Variants in MZT2B observed in about 807,000 individuals in gnomAD.
The protein encoded by MZT2B is mitotic-spindle organizing protein 2B.
MZT2B carries 11 observed loss-of-function variants against 12.1 expected under a neutral mutation model. That is an observed-to-expected ratio of 0.91 (90% confidence interval 0.57 to 1.50). The LOEUF is 1.50. MZT2B is among the 40% of genes most tolerant of loss of function. MZT2B has a pLI of 0.00. For missense variants in MZT2B, 209 were observed against 227.7 expected (o/e 0.92, Z 0.53); for synonymous variants, 85 against 109.5 (o/e 0.78, Z 1.40).
intron 2 of MZT2B, chr2:130,184,432 GGCCACACTCCA>G: frequency 2.0e-6 from 2 of 985,450 alleles, no homozygotes; most frequent in South Asian, 4.7e-5. Flanking sequence ...CTGGCCCCGT[GGCCACACTCCA>G]GCACTCAGCC....
At chr2:130,204,317 A>C in the MZT2B span, 1 of 386,248 alleles carries the variant, frequency 2.6e-6, no homozygotes, top group South Asian at 2.1e-5. Context: ...GTGTGGGACA[A>C]GGAGGAGGAG....
downstream of MZT2B, chr2:130,192,224 A>T (rs1690281915): frequency 1.3e-6 from 2 of 1,496,068 alleles, no homozygotes; most frequent in Admixed American, 4.6e-5. Context: ...TGTAGGTGAC[A>T]CGGAGAATGC....
At chr2:130,201,617 C>T in the MZT2B span, among the ~76,000 whole-genome samples, 1 of 152,220 alleles carries the variant, frequency 6.6e-6, no homozygotes, top group Non-Finnish European at 1.5e-5. Flanking sequence ...TCCATAGCCC[C>T]CCTTCCTCAG....
intron 2 of MZT2B, chr2:130,183,163 G>A: frequency 2.8e-6 from 1 of 353,604 alleles, no homozygotes; most frequent in Non-Finnish European, 5.2e-6. Context: ...ATGAGTTTTA[G>A]ACCACTCTGG....
chr2:130,202,096 G>A, the MZT2B span, among the ~76,000 whole-genome samples: 2 of 151,976 alleles, frequency 1.3e-5, no homozygotes, highest in African/African-American at 4.8e-5. Flanking sequence ...TTGAGCCTTG[G>A]ACATGCCCAT....
chr2:130,187,513 A>G (rs545531833), intron 2 of MZT2B, among the ~76,000 whole-genome samples: 22 of 152,186 alleles, frequency 1.4e-4, no homozygotes, highest in African/African-American at 2.7e-4. Flanking sequence ...TCAACATTCA[A>G]TGGTCATTGA....
upstream of MZT2B, chr2:130,182,108 GC>G (rs1358493321): frequency 1.5e-6 from 2 of 1,320,814 alleles, no homozygotes; most frequent in Non-Finnish European, 1.9e-6. Context: ...CACCGTGAGC[GC>G]CCAATAACTG....
intron 2 of MZT2B, chr2:130,183,847 G>T (rs1265443514): frequency 3.2e-6 from 5 of 1,550,492 alleles, no homozygotes; most frequent in Non-Finnish European, 1.7e-6. Flanking sequence ...TTTTCCTCCA[G>T]CCCGCAGCCT....
chr2:130,203,792 T>G, the MZT2B span, among the ~76,000 whole-genome samples: 1 of 152,170 alleles, frequency 6.6e-6, no homozygotes, highest in South Asian at 2.1e-4. Context: ...TGCTTCTGCT[T>G]CTTCTTGTGT....
chr2:130,191,949 C>G, downstream of MZT2B: 1 of 1,614,064 alleles, frequency 6.2e-7, no homozygotes, highest in Non-Finnish European at 8.5e-7. Context: ...CTCTTCCATG[C>G]CTTCGCCCAC....
chr2:130,198,141 T>A, the MZT2B span, among the ~76,000 whole-genome samples: 3 of 122,936 alleles, frequency 2.4e-5, 1 homozygote, highest in Non-Finnish European at 5.4e-5. Flanking sequence ...CCCCGTCCAC[T>A]AAAGGCCGGC....
chr2:130,183,036 AC>A (rs1208033729), intron 2 of MZT2B: 3 of 593,400 alleles, frequency 5.1e-6, no homozygotes, highest in Non-Finnish European at 8.6e-6. Flanking sequence ...GCTCCCCTCC[AC>A]CTCTTCACTC....
chr2:130,196,022 A>G, the MZT2B span: 2 of 1,383,296 alleles, frequency 1.4e-6, no homozygotes, highest in Non-Finnish European at 1.9e-6. Context: ...CTCTCCTAAC[A>G]ATGCCATGGG....
chr2:130,191,242 G>A (rs1449875309), downstream of MZT2B, among the ~76,000 whole-genome samples: 5 of 152,230 alleles, frequency 3.3e-5, no homozygotes, highest in Admixed American at 1.3e-4. Context: ...GGCTGTGTGT[G>A]CGCACAGAGG....
chr2:130,181,852 T>TA (rs753095357), upstream of MZT2B: 11 of 1,525,302 alleles, frequency 7.2e-6, no homozygotes, highest in African/African-American at 1.6e-4. Flanking sequence ...TGTTGATTAG[T>TA]GCCCCCCCCT....
chr2:130,190,467 A>T lies in MZT2B; in HGVS notation c.320-2A>T. ...TAATCATTGTGCTTTGTGTCTCCTC[A>T]GGGAGAAACAAAGGCAGCGCTGCCC... On this transcript the variant is annotated splice_acceptor_variant, in intron 2 of 2. Coordinates refer to ENST00000281871, the MANE Select transcript of MZT2B (RefSeq NM_025029.5). LOFTEE classifies it high-confidence loss of function. 1 of 1,613,248 alleles carries T rather than the reference A, an allele frequency of 6.2e-7. No homozygotes were observed.
upstream of MZT2B, chr2:130,182,217 A>C (rs1689720616): frequency 2.4e-6 from 3 of 1,233,054 alleles, no homozygotes; most frequent in African/African-American, 3.2e-5. Context: ...CTGCAGGGAG[A>C]GGGTGGTGGG....
At chr2:130,186,436 C>G (rs1448383146) in intron 2 of MZT2B, among the ~76,000 whole-genome samples, 1 of 152,200 alleles carries the variant, frequency 6.6e-6, no homozygotes, top group African/African-American at 2.4e-5. Context: ...AAAATAAATT[C>G]AGTCAAGCGT....
intron 2 of MZT2B, chr2:130,183,703 C>T (rs1689917447): frequency 1.9e-6 from 3 of 1,550,126 alleles, no homozygotes; most frequent in African/African-American, 2.7e-5. Flanking sequence ...CCCGCTGACC[C>T]AAGAGGGCCC....
Sources: gnomAD v4.1 joint callset for allele counts (sites outside exome capture counted in the v4.1 genomes callset) on GRCh38, gnomAD v4.1.1 for gene constraint, MANE v1.5 for transcripts, NCBI Gene and HGNC (gene_info 2026-07-23, HGNC 2026-07-21) for gene names.